KCP: variants seen among roughly 807,000 people sequenced by gnomAD.
The protein encoded by KCP is kielin cysteine rich BMP regulator.
A neutral mutation model predicts 212.7 loss-of-function variants in KCP; 194 were observed. The ratio of observed to expected loss-of-function variants is 0.91; its 90% CI spans 0.81 to 1.03. The LOEUF is 1.03. Among genes scored for constraint, KCP ranks in the 50% least tolerant of loss-of-function variants. The probability of loss-of-function intolerance (pLI) is 0.00; values close to 1 mark genes in which losing one functional copy is unlikely to be tolerated. For synonymous variants in KCP, 833 were observed against 865.3 expected (o/e 0.96, Z 0.65); for missense variants, 2,080 against 2,162.5 (o/e 0.96, Z 0.76).
In KCP at chr7:128,891,094, C is replaced by T; in HGVS notation, c.1975G>A (p.Ala659Thr). ...CGTGGGCAGCCGGCGGGGGCTGGGG[C>T]GGCTGCGGCGAGACAGCGCATCAAA... Reference protein sequence around the residue: ...PGECCPQCPAAPAPAGCPRPG... With the variant: ...PGECCPQCPATPAPAGCPRPG... The change falls in exon 20 of 40, where the codon GCC (alanine) becomes ACC (threonine). Residue 659 changes from alanine (A) to threonine (T), a missense_variant and splice_region_variant. Coordinates refer to ENST00000610776, the MANE Select transcript of KCP (RefSeq NM_001366122.1). 6.9e-7 allele frequency: 1 copy of T among 1,445,536 alleles called. No homozygotes were observed. 89.5% of individuals were successfully genotyped at this position (1,445,536 alleles called of 1,614,324 possible). A position where few individuals can be genotyped will look rare whatever the true frequency, so the allele number is the denominator to read the frequency against.
At position 128,878,589 on chromosome 7, in the gene KCP, GGCAGGA is replaced by G; in HGVS notation, c.4274_4279del (p.Leu1425_Leu1426del). ...GCTATTCCCAAACGCAGCCTCCGAG[GGCAGGA>G]GCAGCCCCTCAGGGCCCTGCAGATC... On this transcript the variant is annotated inframe_deletion, in exon 38 of 40. Coordinates refer to ENST00000610776, the MANE Select transcript of KCP (RefSeq NM_001366122.1). 6.4e-7 allele frequency: 1 copy of G among 1,551,438 alleles called. No homozygotes were observed. Among genetic ancestry groups the G allele is most frequent in the Non-Finnish European group, 8.7e-7 (1 of 1,146,974 alleles).
rs1208674518 is a variant in KCP, at chr7:128,877,002, G to A, written c.*41C>T. The A allele has an allele frequency of 3.3e-6, 5 of 1,523,926 alleles. No homozygotes were observed. The highest frequency in any genetic ancestry group is 4.4e-6 in the Non-Finnish European group (5 of 1,139,378). 94.4% of individuals were successfully genotyped at this position (1,523,926 alleles called of 1,614,324 possible). ...GGGTGGGAACTGCTCGCCAAGGGGA[G>A]ACTCCTGGCCTGATGAACCCTTATC... On this transcript the variant is annotated 3_prime_UTR_variant, in exon 40 of 40. Transcript: ENST00000610776.
chr7:128,892,149 C>T (rs1427118175), intron 16 of KCP, among the ~76,000 whole-genome samples: 2 of 150,230 alleles, frequency 1.3e-5, no homozygotes, highest in African/African-American at 2.4e-5. Flanking sequence ...TCCCAGCACC[C>T]GGCCTCCTAC....
rs894162560 is a variant in KCP at position 128,885,392 on chromosome 7, G to A, written c.2867-122C>T. The A allele has an allele frequency of 3.8e-5, 38 of 993,174 alleles. No homozygotes were observed. In the Admixed American group the frequency reaches 8.3e-4, roughly 22 times the overall value. The allele number at this position is 993,174 out of a possible 1,614,324, so 61.5% of individuals were successfully genotyped here. Reference sequence around the variant, plus strand: ...AGGAGTGAGTTTGCAGGGATATGGCGGGAAGGTGCGATGGGGCAGAACTCC... The same window carrying A: ...AGGAGTGAGTTTGCAGGGATATGGCAGGAAGGTGCGATGGGGCAGAACTCC... On this transcript the variant is annotated intron_variant, in intron 26 of 39. Coordinates refer to ENST00000610776, the MANE Select transcript of KCP (RefSeq NM_001366122.1).
chr7:128,877,473 C>T lies in KCP; in HGVS notation c.4618+11G>A, dbSNP rs1391019090. The T allele has an allele frequency of 6.4e-7, 1 of 1,550,428 alleles. No homozygotes were observed. Among genetic ancestry groups the T allele is most frequent in the Non-Finnish European group, 8.7e-7 (1 of 1,146,558 alleles). ...GCCTCCCCCAACCTGCAGCGGGCAT[C>T]ACCCCCTCACCACACAGCGTGGGGC... On this transcript the variant is annotated intron_variant, in intron 39 of 39. Coordinates refer to ENST00000610776, the MANE Select transcript of KCP (RefSeq NM_001366122.1).
intron 23 of KCP, 80 bp from the exon 24 acceptor site, chr7:128,887,046 G>T: frequency 2.0e-6 from 2 of 1,018,902 alleles, no homozygotes; most frequent in Non-Finnish European, 3.0e-6. Context: ...GCCTGCAGGG[G>T]CCCAAACACC....
At chr7:128,901,852 C>A (rs1341038110) in intron 8 of KCP, among the ~76,000 whole-genome samples, 1 of 152,150 alleles carries the variant, frequency 6.6e-6, no homozygotes, top group African/African-American at 2.4e-5. Flanking sequence ...GTGCCCCCAC[C>A]TGGCCTTCAC....
chr7:128,907,483 T>C, intron 2 of KCP, 30 bp from the exon 3 acceptor site: 3 of 1,397,282 alleles, frequency 2.1e-6, no homozygotes, highest in Non-Finnish European at 2.8e-6. Flanking sequence ...TAGCAGGCAC[T>C]GGCTCAGCTT....
chr7:128,903,001 G>A, intron 7 of KCP, 142 bp from the exon 8 acceptor site: 1 of 665,064 alleles, frequency 1.5e-6, no homozygotes, highest in East Asian at 2.7e-5. Context: ...TCTCTGCCTA[G>A]ATTCCCCAGT....
chr7:128,880,305 C>A (rs923496996), intron 34 of KCP, 81 bp downstream of exon 34: 16 of 1,446,060 alleles, frequency 1.1e-5, no homozygotes, highest in African/African-American at 1.4e-5. Context: ...GCCTCCCTCT[C>A]TGATGCCTGG....
intron 2 of KCP, 58 bp from the exon 3 acceptor site, chr7:128,907,511 A>G: frequency 1.2e-5 from 14 of 1,213,202 alleles, no homozygotes; most frequent in South Asian, 1.8e-5. Context: ...CATCTCCAGT[A>G]GAGATGAGGG....
intron 2 of KCP, among the ~76,000 whole-genome samples, 191 bp from the exon 3 acceptor site, chr7:128,907,644 C>A (rs1316323641): frequency 6.6e-6 from 1 of 152,240 alleles, no homozygotes; most frequent in Admixed American, 6.5e-5. Flanking sequence ...CCAATCTCTC[C>A]TTTGGACAAA....
At chr7:128,890,173 G>A (rs569673513) in intron 21 of KCP, 170 bp downstream of exon 21, 2 of 1,272,142 alleles carry the variant, frequency 1.6e-6, no homozygotes, top group East Asian at 5.1e-5. Flanking sequence ...TCCTGCCTCA[G>A]CCTCCCAAAT....
At chr7:128,905,397 G>C (rs1489924402) in intron 5 of KCP, among the ~76,000 whole-genome samples, 1 of 152,170 alleles carries the variant, frequency 6.6e-6, no homozygotes, top group East Asian at 1.9e-4. Context: ...CCCCTGCATA[G>C]CCATGACCTC....
At chr7:128,885,367 A>G in intron 26 of KCP, 97 bp from the exon 27 acceptor site, 1 of 1,285,324 alleles carries the variant, frequency 7.8e-7, no homozygotes, top group Non-Finnish European at 1.1e-6. Context: ...ACGTGGCGCC[A>G]GGAGTGAGTT....
At chr7:128,898,358 A>G (rs1245541995) in intron 8 of KCP, among the ~76,000 whole-genome samples, 1 of 152,088 alleles carries the variant, frequency 6.6e-6, no homozygotes, top group East Asian at 1.9e-4. Context: ...ACCCAGCCCC[A>G]CTATGACTCT....
intron 31 of KCP, among the ~76,000 whole-genome samples, chr7:128,881,311 G>A (rs1793319892): frequency 6.6e-6 from 1 of 152,244 alleles, no homozygotes; most frequent in Admixed American, 6.5e-5. Flanking sequence ...GCCAGAGGCT[G>A]GAACCCCACT....
At chr7:128,896,024 G>T (rs1794497207) in intron 8 of KCP, among the ~76,000 whole-genome samples, 1 of 152,034 alleles carries the variant, frequency 6.6e-6, no homozygotes, top group African/African-American at 2.4e-5. Flanking sequence ...CCTTTCTTGG[G>T]GTCTGGATCA....
Position 128,886,929 on chromosome 7 carries a change from G to A in KCP, c.2636C>T (p.Pro879Leu). 1 of 1,532,124 alleles carries A rather than the reference G, an allele frequency of 6.5e-7. No homozygotes were observed. The highest frequency in any genetic ancestry group is 8.8e-7 in the Non-Finnish European group (1 of 1,135,226). The allele number at this position is 1,532,124 out of a possible 1,614,324, so 94.9% of individuals were successfully genotyped here. ...SMRCQKKPCP[P>L]ALCPHPSPGP... is the part of the protein sequence containing the mutation. ...TGGAGAGGGGTGGGGGCAGAGAGCTGGGGGACATGGCTTCTTCTGGCAGCG... is the reference window on the plus strand; with the variant it reads ...TGGAGAGGGGTGGGGGCAGAGAGCTAGGGGACATGGCTTCTTCTGGCAGCG... The change falls in exon 24 of 40, where the codon CCA becomes CTA. Residue 879 changes from proline (P) to leucine (L), a missense_variant. By Grantham distance (98) the Pro-to-Leu change is moderately conservative. Transcript: ENST00000610776.
Sources: gnomAD v4.1 joint callset for allele counts (sites outside exome capture counted in the v4.1 genomes callset) on GRCh38, gnomAD v4.1.1 for gene constraint, MANE v1.5 for transcripts, NCBI Gene and HGNC (gene_info 2026-07-23, HGNC 2026-07-21) for gene names.